EPHA2: variants seen among roughly 807,000 people sequenced by gnomAD.
The protein encoded by EPHA2 is ephrin type-A receptor 2.
In EPHA2, 54 loss-of-function variants were observed where a neutral mutation model predicts 104.9. The observed-to-expected ratio is 0.51, with a 90% CI of 0.41 to 0.65. The LOEUF (loss-of-function observed/expected upper bound fraction) is 0.65, where lower values mean the gene tolerates loss of function less well. EPHA2 is among the 30% of genes least tolerant of loss of function. The pLI is 0.00. For missense variants in EPHA2, 1,117 were observed against 1,369.5 expected (o/e 0.82, Z 2.91); for synonymous variants, 560 against 559.1 (o/e 1.00, Z -0.02).
At position 16,148,266 on chromosome 1, in the gene EPHA2, TA is replaced by T; in HGVS notation, c.823+111del. On this transcript the variant is annotated intron_variant, in intron 3 of 16. Transcript: ENST00000358432. This position sits in a 1 kb window ranked among gnomAD's most constrained non-coding sequence, Gnocchi z 4.9. ...GATCTATAATTTCCACTAACAGAAC[TA>T]ATGTGTGTCAAAGCAGGGATGAGCT... is the stretch of plus-strand genomic sequence containing the variant. The T allele has an allele frequency of 1.5e-6, 2 of 1,343,858 alleles. No homozygotes were observed. The highest frequency in any genetic ancestry group is 2.1e-6 in the Non-Finnish European group (2 of 946,826). 83.2% of individuals were successfully genotyped at this position (1,343,858 alleles called of 1,614,324 possible). A position where few individuals can be genotyped will look rare whatever the true frequency, so the allele number is the denominator to read the frequency against.
intron 3 of EPHA2, among the ~76,000 whole-genome samples, chr1:16,139,795 G>A (rs577997483): frequency 1.7e-4 from 26 of 152,262 alleles, no homozygotes; most frequent in African/African-American, 6.0e-4. Context: ...GTTGAGAAAG[G>A]CCTTCAATGC....
chr1:16,137,425 T>C (rs2024734241), intron 5 of EPHA2, among the ~76,000 whole-genome samples: 1 of 151,808 alleles, frequency 6.6e-6, no homozygotes, highest in Non-Finnish European at 1.5e-5. Flanking sequence ...AGTGAAACCC[T>C]GTCTCTCCTA....
chr1:16,147,067 C>T (rs1374384226), intron 3 of EPHA2, among the ~76,000 whole-genome samples: 1 of 152,260 alleles, frequency 6.6e-6, no homozygotes, highest in Non-Finnish European at 1.5e-5. Flanking sequence ...AATGCTCTGC[C>T]TCATGGCCAT....
rs1041456927 is a variant in EPHA2 at position 16,154,994 on chromosome 1, C to T, written c.85+854G>A. 7.2e-4 allele frequency among the ~76,000 whole-genome samples: 110 copies of T among 152,246 alleles called. 1 individual carries two copies. The highest frequency in any genetic ancestry group is 2.6e-3 in the African/African-American group (108 of 41,568). On this transcript the variant is annotated intron_variant, in intron 1 of 16. Transcript: ENST00000358432. ...GGAGGGACAACACCCCCACCACGCA[C>T]CCGCTGCGCCATGAGCAAAGTCTGC...
chr1:16,132,615 G>A (rs1055023170), intron 11 of EPHA2, among the ~76,000 whole-genome samples, 176 bp from the exon 12 acceptor site: 2 of 150,056 alleles, frequency 1.3e-5, no homozygotes, highest in Admixed American at 6.6e-5. Flanking sequence ...GGGGAAAGCT[G>A]GGCACAGGCG....
At chr1:16,139,363 A>G (rs2024780292) in intron 3 of EPHA2, among the ~76,000 whole-genome samples, 1 of 152,166 alleles carries the variant, frequency 6.6e-6, no homozygotes, top group African/African-American at 2.4e-5. Flanking sequence ...CAACCCTACA[A>G]TTATAATCCT....
In EPHA2 at chr1:16,150,859, A is replaced by G; in HGVS notation, c.153+37T>C. 1.2e-6 allele frequency: 2 copies of G among 1,612,938 alleles called. No homozygotes were observed. Among genetic ancestry groups the G allele is most frequent in the South Asian group, 2.2e-5 (2 of 91,046 alleles). ...ATCTCTACAGGGGACCAGCAGCCCCATTCTCACACCTCTCCCCACCCCGAA... is the reference window on the plus strand; with the variant it reads ...ATCTCTACAGGGGACCAGCAGCCCCGTTCTCACACCTCTCCCCACCCCGAA... On this transcript the variant is annotated intron_variant, in intron 2 of 16. Transcript: ENST00000358432. This position sits in a 1 kb window ranked among gnomAD's most constrained non-coding sequence, Gnocchi z 4.8.
chr1:16,133,394 T>C (rs1205800509), intron 10 of EPHA2, 26 bp from the exon 11 acceptor site: 2 of 1,613,488 alleles, frequency 1.2e-6, no homozygotes, highest in Non-Finnish European at 1.7e-6. Flanking sequence ...GTCAGGGGAG[T>C]GCCCTGGTCA....
Position 16,155,840 on chromosome 1 carries a change from G to A in EPHA2, c.85+8C>T, listed in dbSNP as rs1331327639. 2.1e-6 allele frequency: 3 copies of A among 1,431,364 alleles called. No individual in the cohort carries two copies. Among genetic ancestry groups the A allele is most frequent in the Non-Finnish European group, 2.7e-6 (3 of 1,096,664 alleles). 88.7% of individuals were successfully genotyped at this position (1,431,364 alleles called of 1,614,324 possible). On this transcript the variant is annotated splice_region_variant and intron_variant, in intron 1 of 16. Coordinates refer to ENST00000358432, the MANE Select transcript of EPHA2 (RefSeq NM_004431.5). ...GGGGCCAGGGGTCCAGACGCCGCGC[G>A]CACTCACCTTCCTTGCCCTGCGCCG... is the stretch of plus-strand genomic sequence containing the variant.
At chr1:16,132,467 G>GT (rs1229751536) in intron 11 of EPHA2, 28 bp from the exon 12 acceptor site, 2 of 1,612,754 alleles carry the variant, frequency 1.2e-6, no homozygotes, top group African/African-American at 1.3e-5. Flanking sequence ...CAGGTGAGAG[G>GT]TAAGTGGGCC....
chr1:16,144,141 G>A (rs1457399394), intron 3 of EPHA2, among the ~76,000 whole-genome samples: 1 of 152,130 alleles, frequency 6.6e-6, no homozygotes, highest in African/African-American at 2.4e-5. Flanking sequence ...CCTCCAGGAG[G>A]GAGAGAGGGA....
Position 16,130,758 on chromosome 1 carries a change from T to A in EPHA2, c.2476-339A>T, listed in dbSNP as rs1393788337. ...GATCCTCCCACCTCCGCCTCCTGAG[T>A]AGCTGAGACTACAGGCACGTGCCAA... is the stretch of plus-strand genomic sequence containing the variant. On this transcript the variant is annotated intron_variant, in intron 14 of 16. Transcript: ENST00000358432. The surrounding 1 kb of genome is among the most constrained non-coding windows in gnomAD (Gnocchi z 4.5). Among the ~76,000 whole-genome samples, 2 of 152,054 alleles carry A rather than the reference T, an allele frequency of 1.3e-5. No homozygotes were observed. Among genetic ancestry groups the A allele is most frequent in the Admixed American group, 1.3e-4 (2 of 15,266 alleles).
rs1028586439 is a variant in EPHA2 at position 16,150,343 on chromosome 1, C to G, written c.153+553G>C. The stretch of plus-strand genomic sequence containing the variant: ...GGGAAGAACCCCCAGCCCCTGCCCC[C>G]ATTCCTGGTCACATCAGGACGGCAT... On this transcript the variant is annotated intron_variant, in intron 2 of 16. Transcript: ENST00000358432. The surrounding 1 kb of genome is among the most constrained non-coding windows in gnomAD (Gnocchi z 4.8). Among the ~76,000 whole-genome samples the G allele has an allele frequency of 6.6e-6, 1 of 152,200 alleles. No individual in the cohort carries two copies. The highest frequency in any genetic ancestry group is 1.5e-5 in the Non-Finnish European group (1 of 68,030).
At chr1:16,140,682 G>T (rs182846031) in intron 3 of EPHA2, among the ~76,000 whole-genome samples, 1 of 152,006 alleles carries the variant, frequency 6.6e-6, no homozygotes, top group East Asian at 1.9e-4. Flanking sequence ...GAAGTGGTGG[G>T]ATCTCAGCTC....
chr1:16,126,858 C>G (rs975250682), intron 16 of EPHA2, among the ~76,000 whole-genome samples: 1 of 152,166 alleles, frequency 6.6e-6, no homozygotes, highest in East Asian at 1.9e-4. Context: ...GTCATCTGGG[C>G]CCATCACCCC....
chr1:16,130,436 G>T lies in EPHA2; in HGVS notation c.2476-17C>A. ...TTTCATCACCTGGCGGGGCACGAAG[G>T]TCAGGGGCGCTGTTGCAGAAAGCCA... On this transcript the variant is annotated splice_polypyrimidine_tract_variant and intron_variant, in intron 14 of 16. Transcript: ENST00000358432. The surrounding 1 kb of genome is among the most constrained non-coding windows in gnomAD (Gnocchi z 4.5). The T allele has an allele frequency of 6.5e-7, 1 of 1,536,364 alleles. No homozygotes were observed. The highest frequency in any genetic ancestry group is 8.8e-7 in the Non-Finnish European group (1 of 1,139,064).
chr1:16,130,868 G>A lies in EPHA2; in HGVS notation c.2476-449C>T, dbSNP rs1354775003. ...TGGTCTCGAACTCCTGAGCTCAAGC[G>A]ATACTCCTGCCTCAGCCTCCCAAAG... On this transcript the variant is annotated intron_variant, in intron 14 of 16. Coordinates refer to ENST00000358432, the MANE Select transcript of EPHA2 (RefSeq NM_004431.5). This position sits in a 1 kb window ranked among gnomAD's most constrained non-coding sequence, Gnocchi z 4.5. 1.3e-5 allele frequency among the ~76,000 whole-genome samples: 2 copies of A among 152,074 alleles called. No homozygotes were observed. The highest frequency in any genetic ancestry group is 6.5e-5 in the Admixed American group (1 of 15,278).
rs2024633934 is a variant in EPHA2, at chr1:16,134,091, G to A, written c.1683-176C>T. On this transcript the variant is annotated intron_variant, in intron 8 of 16. Transcript: ENST00000358432. This position sits in a 1 kb window ranked among gnomAD's most constrained non-coding sequence, Gnocchi z 4.5. Reference sequence around the variant, plus strand: ...CAGGGCCGAGGGTGCGGAGAAGGCGGGTGGAGGAACAGGGAGGAAGTGAGC... The same window carrying A: ...CAGGGCCGAGGGTGCGGAGAAGGCGAGTGGAGGAACAGGGAGGAAGTGAGC... 6.6e-6 allele frequency among the ~76,000 whole-genome samples: 1 copy of A among 152,098 alleles called. No individual in the cohort carries two copies. The highest frequency in any genetic ancestry group is 1.5e-5 in the Non-Finnish European group (1 of 67,998).
At chr1:16,155,759 G>T (rs2124282574) in intron 1 of EPHA2, 89 bp downstream of exon 1, 1 of 1,076,652 alleles carries the variant, frequency 9.3e-7, no homozygotes, top group East Asian at 3.3e-5. Flanking sequence ...ACACCAGGTA[G>T]GTTCCAAAGT....
Sources: gnomAD v4.1 joint callset for allele counts (sites outside exome capture counted in the v4.1 genomes callset) on GRCh38, gnomAD v4.1.1 for gene constraint, Gnocchi (gnomAD v3.1) non-coding constraint, MANE v1.5 for transcripts, NCBI Gene and HGNC (gene_info 2026-07-23, HGNC 2026-07-21) for gene names.